The following ADGB variants were observed in gnomAD, a reference collection of about 807,000 sequenced individuals.
ADGB encodes androglobin, also known as calpain-7-like protein.
A neutral mutation model predicts 210.5 loss-of-function variants in ADGB; 172 were observed. The observed-to-expected ratio is 0.82, with a 90% CI of 0.72 to 0.93. The LOEUF (loss-of-function observed/expected upper bound fraction) is 0.93, where lower values mean the gene tolerates loss of function less well. ADGB is among the 40% of genes least tolerant of loss of function. The probability of loss-of-function intolerance (pLI) is 0.00; values close to 1 mark genes in which losing one functional copy is unlikely to be tolerated. For missense variants in ADGB, 2,025 were observed against 1,964.8 expected (o/e 1.03, Z -0.58); for synonymous variants, 658 against 662.7 (o/e 0.99, Z 0.11).
At chr6:146,761,508 G>A (rs1777491109) in intron 27 of ADGB, among the ~76,000 whole-genome samples, 2 of 151,974 alleles carry the variant, frequency 1.3e-5, no homozygotes. Context: ...GATTTGGATT[G>A]CACTGAACTT....
rs1778174790 is a variant in ADGB, at chr6:146,804,107, A to C, written c.4818+2096A>C. 5.3e-5 allele frequency among the ~76,000 whole-genome samples: 8 copies of C among 152,232 alleles called. No homozygotes were observed. The South Asian group carries it at 1.4e-3, about 28-fold the overall frequency. On this transcript the variant is annotated intron_variant, in intron 35 of 35. Coordinates refer to ENST00000397944, the MANE Select transcript of ADGB (RefSeq NM_024694.4). ...GTAGAAGAATAGGTGTCCTTTAATTAGAGATGACAACAAATGAAAAAAGGA... is the reference window on the plus strand; with the variant it reads ...GTAGAAGAATAGGTGTCCTTTAATTCGAGATGACAACAAATGAAAAAAGGA...
intron 29 of ADGB, among the ~76,000 whole-genome samples, chr6:146,781,109 C>T (rs1015073381): frequency 5.5e-5 from 8 of 146,302 alleles, no homozygotes; most frequent in Admixed American, 7.3e-5. Context: ...AGGCGGATCA[C>T]GAGCTCACGA....
intron 13 of ADGB, among the ~76,000 whole-genome samples, chr6:146,702,262 C>A (rs1423609893): frequency 6.6e-6 from 1 of 151,904 alleles, no homozygotes; most frequent in East Asian, 1.9e-4. Context: ...ATACCCACAC[C>A]TGTCAACACC....
intron 12 of ADGB, among the ~76,000 whole-genome samples, chr6:146,698,295 G>A (rs1223156955): frequency 2.0e-5 from 3 of 152,136 alleles, no homozygotes; most frequent in Non-Finnish European, 2.9e-5. Context: ...CTGTACCATC[G>A]GTCACACATA....
At chr6:146,691,452 AT>A (rs1405543611) in intron 11 of ADGB, among the ~76,000 whole-genome samples, 162 bp downstream of exon 11, 4 of 24,672 alleles carry the variant, frequency 1.6e-4, no homozygotes, top group Middle Eastern at 8.8e-3. Context: ...AAAAATATAT[AT>A]ATATAAAAAT....
intron 17 of ADGB, among the ~76,000 whole-genome samples, chr6:146,723,517 C>A (rs1412487622): frequency 1.3e-5 from 2 of 152,092 alleles, no homozygotes; most frequent in African/African-American, 4.8e-5. Flanking sequence ...GGGCAGATCA[C>A]CTGAGGTCAG....
At chr6:146,755,552 A>G (rs1777394832) in intron 27 of ADGB, among the ~76,000 whole-genome samples, 1 of 152,046 alleles carries the variant, frequency 6.6e-6, no homozygotes, top group African/African-American at 2.4e-5. Context: ...CTCATCTACC[A>G]TGATTGTAAG....
intron 33 of ADGB, among the ~76,000 whole-genome samples, chr6:146,791,366 G>C (rs77528297): frequency 6.6e-6 from 1 of 151,976 alleles, no homozygotes; most frequent in Non-Finnish European, 1.5e-5. Context: ...ATCATTTTTG[G>C]TTTTTGTTTT....
chr6:146,718,846 G>A (rs1022306975), intron 16 of ADGB, among the ~76,000 whole-genome samples: 1 of 152,172 alleles, frequency 6.6e-6, no homozygotes, highest in Non-Finnish European at 1.5e-5. Flanking sequence ...TGCCTCCTCT[G>A]AAAATAAGAA....
At chr6:146,674,713 C>A (rs976415584) in intron 8 of ADGB, among the ~76,000 whole-genome samples, 1 of 152,144 alleles carries the variant, frequency 6.6e-6, no homozygotes, top group African/African-American at 2.4e-5. Context: ...GGAGGATTAT[C>A]TCCAGTGGGA....
rs1372946807 is a variant in ADGB, at chr6:146,635,533, T to C, written c.233T>C (p.Val78Ala). ...AAGGACAAAACAGGAAAAAGCCCTG[T>C]ATTTGTAAGTAGATGTAAATGTGAC... The part of the protein sequence containing the change: ...KEKDKTGKSP[V>A]FHFFEDPEGK... Residue 78 changes from valine to alanine, a missense_variant, in exon 2 of 36, where the codon GTA (valine) becomes GCA (alanine). By Grantham distance (64) the Val-to-Ala change is moderately conservative. Coordinates refer to ENST00000397944, the MANE Select transcript of ADGB (RefSeq NM_024694.4). 2.0e-6 allele frequency: 3 copies of C among 1,530,448 alleles called. No individual in the cohort carries two copies. 94.8% of individuals were successfully genotyped at this position (1,530,448 alleles called of 1,614,324 possible).
At chr6:146,744,889 A>C (rs1469594653) in intron 25 of ADGB, among the ~76,000 whole-genome samples, 1 of 152,208 alleles carries the variant, frequency 6.6e-6, no homozygotes, top group Non-Finnish European at 1.5e-5. Context: ...AAAACAAAAT[A>C]ATTTTGCTTT....
chr6:146,696,441 G>A (rs950449374), intron 12 of ADGB, among the ~76,000 whole-genome samples: 30 of 151,650 alleles, frequency 2.0e-4, no homozygotes, highest in Non-Finnish European at 2.6e-4. Context: ...ATGTTCTTTA[G>A]CATCATAAAA....
At position 146,741,157 on chromosome 6, in the gene ADGB, C is replaced by T. The variant is rs1777158773; in HGVS notation, c.3063C>T (p.Pro1021=). The T allele has an allele frequency of 3.3e-6, 5 of 1,537,640 alleles. No homozygotes were observed. The highest frequency in any genetic ancestry group is 4.4e-6 in the Non-Finnish European group (5 of 1,141,112). ...FLVHQDMILV[P]KVYTTLPICI... is the part of the protein sequence containing the mutation. Reference sequence around the variant, plus strand: ...TTCATCAAGACATGATTTTGGTTCCCAAAGTATATACTACACTTCCAATCT... The same window carrying T: ...TTCATCAAGACATGATTTTGGTTCCTAAAGTATATACTACACTTCCAATCT... The change falls in exon 25 of 36, where the codon CCC becomes CCT. Residue 1021 remains proline, a synonymous_variant. Transcript: ENST00000397944.
intron 8 of ADGB, among the ~76,000 whole-genome samples, chr6:146,674,777 T>C (rs923871896): frequency 1.3e-5 from 2 of 152,124 alleles, no homozygotes; most frequent in Non-Finnish European, 2.9e-5. Context: ...TGGGATGAAA[T>C]GACAGAGGAG....
intron 33 of ADGB, among the ~76,000 whole-genome samples, chr6:146,790,882 A>C (rs979442362): frequency 6.6e-6 from 1 of 152,118 alleles, no homozygotes; most frequent in African/African-American, 2.4e-5. Flanking sequence ...ATAATAGCCA[A>C]TGTAACAGGT....
intron 1 of ADGB, among the ~76,000 whole-genome samples, chr6:146,618,268 T>C (rs1460205529): frequency 6.6e-6 from 1 of 151,674 alleles, no homozygotes; most frequent in Non-Finnish European, 1.5e-5. Context: ...TCTTACGGTT[T>C]TTTTTTTCTT....
intron 12 of ADGB, among the ~76,000 whole-genome samples, chr6:146,693,793 A>G (rs543382269): frequency 3.9e-5 from 6 of 152,134 alleles, no homozygotes; most frequent in Admixed American, 6.6e-5. Context: ...TCCAATATTT[A>G]ATTTCACTGC....
At chr6:146,623,538 C>T (rs1437218944) in intron 1 of ADGB, among the ~76,000 whole-genome samples, 1 of 151,748 alleles carries the variant, frequency 6.6e-6, no homozygotes. Flanking sequence ...TTCTATATTA[C>T]CTTGTATCCT....
Sources: gnomAD v4.1 joint callset for allele counts (sites outside exome capture counted in the v4.1 genomes callset) on GRCh38, gnomAD v4.1.1 for gene constraint, MANE v1.5 for transcripts, NCBI Gene and HGNC (gene_info 2026-07-23, HGNC 2026-07-21) for gene names.